The following MPDZ variants were observed in gnomAD, a reference collection of about 807,000 sequenced individuals.
The protein encoded by MPDZ is multiple PDZ domain protein.
In MPDZ, 234 loss-of-function variants were observed where a neutral mutation model predicts 239.1. The observed-to-expected ratio is 0.98, with a 90% CI of 0.88 to 1.09. The LOEUF (loss-of-function observed/expected upper bound fraction) is 1.09, where lower values mean the gene tolerates loss of function less well. Among genes scored for constraint, MPDZ ranks in the 50% least tolerant of loss-of-function variants. The pLI is 0.00. For missense variants in MPDZ, 3,175 were observed against 2,510.0 expected (o/e 1.26, Z -5.66); for synonymous variants, 1,048 against 881.3 (o/e 1.19, Z -3.35).
chr9:13,130,543 GAA>G (rs1945829648), intron 32 of MPDZ, among the ~76,000 whole-genome samples: 1 of 152,142 alleles, frequency 6.6e-6, no homozygotes, highest in Non-Finnish European at 1.5e-5. Flanking sequence ...TAGATGTACA[GAA>G]AAGATACCCA....
chr9:13,160,648 C>A (rs780699957), intron 23 of MPDZ, among the ~76,000 whole-genome samples: 2 of 151,384 alleles, frequency 1.3e-5, no homozygotes, highest in Non-Finnish European at 2.9e-5. Flanking sequence ...CAATGGAAAT[C>A]CTGGAGTGTG....
At chr9:13,153,665 A>C (rs558923229) in intron 24 of MPDZ, among the ~76,000 whole-genome samples, 15 of 152,224 alleles carry the variant, frequency 9.9e-5, no homozygotes, top group African/African-American at 3.4e-4. Context: ...AGCAGTTCCT[A>C]AGGCAAAGTG....
chr9:13,262,510 T>C (rs1275310327), intron 1 of MPDZ, among the ~76,000 whole-genome samples: 1 of 151,988 alleles, frequency 6.6e-6, no homozygotes, highest in Non-Finnish European at 1.5e-5. Context: ...AAATGTTCTT[T>C]CTTCAAACTC....
chr9:13,118,479 C>G (rs568702123), intron 39 of MPDZ, among the ~76,000 whole-genome samples: 2 of 152,294 alleles, frequency 1.3e-5, no homozygotes, highest in East Asian at 3.9e-4. Flanking sequence ...CTCCCCTTAG[C>G]GTATTAGACC....
At chr9:13,189,748 A>G (rs1954637453) in intron 16 of MPDZ, among the ~76,000 whole-genome samples, 1 of 152,216 alleles carries the variant, frequency 6.6e-6, no homozygotes. Flanking sequence ...TCAGATTATA[A>G]ATTAGCATTC....
intron 40 of MPDZ, among the ~76,000 whole-genome samples, chr9:13,114,924 A>T (rs977522208): frequency 1.1e-4 from 16 of 151,922 alleles, no homozygotes; most frequent in Admixed American, 4.6e-4. Flanking sequence ...AATAAATAAA[A>T]TAAATAAAAT....
chr9:13,205,199 A>C, intron 11 of MPDZ, 92 bp from the exon 12 acceptor site: 1 of 616,204 alleles, frequency 1.6e-6, no homozygotes, highest in South Asian at 3.0e-5. Context: ...GAACTCCTAC[A>C]TGAGAATCTG....
At chr9:13,212,409 T>TCAG (rs1957729419) in intron 10 of MPDZ, among the ~76,000 whole-genome samples, 1 of 152,052 alleles carries the variant, frequency 6.6e-6, no homozygotes. Context: ...GGGAAGATAC[T>TCAG]CAGAAGCTGG....
chr9:13,123,338 T>C (rs771275828), intron 35 of MPDZ, 40 bp from the exon 36 acceptor site: 5 of 1,538,908 alleles, frequency 3.2e-6, no homozygotes, highest in Non-Finnish European at 8.8e-7. Context: ...TAAAAATTGG[T>C]TACTAAGGCA....
intron 42 of MPDZ, 31 bp downstream of exon 42, chr9:13,112,980 G>A (rs886464891): frequency 6.4e-7 from 1 of 1,558,924 alleles, no homozygotes; most frequent in Non-Finnish European, 8.7e-7. Context: ...TAAAACGCCA[G>A]GGTTTATATT....
At chr9:13,250,520 A>T in intron 1 of MPDZ, 148 bp from the exon 2 acceptor site, 1 of 519,582 alleles carries the variant, frequency 1.9e-6, no homozygotes. Context: ...TTTACAGACA[A>T]TAAAGTAAAC....
At chr9:13,257,926 A>G (rs921881364) in intron 1 of MPDZ, among the ~76,000 whole-genome samples, 1 of 152,192 alleles carries the variant, frequency 6.6e-6, no homozygotes, top group Non-Finnish European at 1.5e-5. Context: ...CCTACTATGT[A>G]CATGCTAGCT....
chr9:13,199,483 C>A (rs1170381386), intron 12 of MPDZ, among the ~76,000 whole-genome samples: 1 of 151,848 alleles, frequency 6.6e-6, no homozygotes, highest in South Asian at 2.1e-4. Context: ...AATCTGGATG[C>A]CCGTTATTTC....
At chr9:13,165,437 CT>C in intron 22 of MPDZ, 1 of 1,547,732 alleles carries the variant, frequency 6.5e-7, no homozygotes, top group Non-Finnish European at 8.7e-7. Flanking sequence ...GCCGCGGCAT[CT>C]TTTTACAATG....
At chr9:13,160,250 T>C (rs1483995860) in intron 23 of MPDZ, among the ~76,000 whole-genome samples, 2 of 152,186 alleles carry the variant, frequency 1.3e-5, no homozygotes, top group African/African-American at 2.4e-5. Context: ...CACTTGGCTC[T>C]GGCATTAATT....
intron 1 of MPDZ, among the ~76,000 whole-genome samples, chr9:13,261,403 C>T (rs1013164905): frequency 1.3e-5 from 2 of 152,100 alleles, no homozygotes; most frequent in Admixed American, 6.5e-5. Context: ...TTTAAACACA[C>T]CTATTTGTTC....
chr9:13,144,088 A>C (rs2132658715), intron 26 of MPDZ, among the ~76,000 whole-genome samples: 1 of 152,176 alleles, frequency 6.6e-6, no homozygotes, highest in East Asian at 1.9e-4. Flanking sequence ...TGGATATTAA[A>C]GTGCTTCAGA....
intron 3 of MPDZ, among the ~76,000 whole-genome samples, chr9:13,225,016 A>C (rs141633269): frequency 8.3e-4 from 126 of 152,180 alleles, no homozygotes; most frequent in African/African-American, 2.9e-3. Flanking sequence ...TATAAGCCCA[A>C]ACTCGGAGCT....
Position 13,113,962 on chromosome 9 carries a change from C to G in MPDZ, c.5526G>C (p.Glu1842Asp). The G allele has an allele frequency of 6.3e-7, 1 of 1,597,736 alleles. No individual in the cohort carries two copies. Among genetic ancestry groups the G allele is most frequent in the Non-Finnish European group, 8.5e-7 (1 of 1,171,454 alleles). ...TFPLSGSSTS[E>D]SLESSSKKNA... ...TCTTCTTTGAGCTACTTTCCAGTGACTCAGATGTACTGGATCCAGAGAGTG... is the reference window on the plus strand; with the variant it reads ...TCTTCTTTGAGCTACTTTCCAGTGAGTCAGATGTACTGGATCCAGAGAGTG... The change falls in exon 41 of 47, where the codon GAG becomes GAC. Residue 1842 changes from glutamate (E) to aspartate (D), a missense_variant. Transcript: ENST00000319217.
Sources: allele counts gnomAD v4.1 joint callset (sites outside exome capture counted in the v4.1 genomes callset), GRCh38; gene constraint gnomAD v4.1.1; transcripts MANE v1.5; gene names NCBI Gene and HGNC (gene_info 2026-07-23, HGNC 2026-07-21).